The following DENND5B variants were observed in gnomAD, a reference collection of about 807,000 sequenced individuals.
The protein encoded by DENND5B is DENN domain containing 5B.
A neutral mutation model predicts 140.6 loss-of-function variants in DENND5B; 34 were observed. The observed-to-expected ratio is 0.24, with a 90% CI of 0.18 to 0.32. The LOEUF is 0.32. Ranked by LOEUF, DENND5B falls within the 10% of genes least tolerant of loss-of-function variation. The pLI is 1.00. For missense variants in DENND5B, 1,142 were observed against 1,560.2 expected, an observed-to-expected ratio of 0.73 and a Z score of 4.52; for synonymous variants, 551 against 562.1, an observed-to-expected ratio of 0.98 and a Z score of 0.28.
chr12:31,472,139 GA>G (rs1375285962), intron 3 of DENND5B, among the ~76,000 whole-genome samples: 2 of 152,124 alleles, frequency 1.3e-5, no homozygotes, highest in Non-Finnish European at 2.9e-5. Flanking sequence ...AACATTACGA[GA>G]AGCCTTATTG....
At chr12:31,521,160 G>A (rs1947864483) in intron 1 of DENND5B, among the ~76,000 whole-genome samples, 1 of 151,408 alleles carries the variant, frequency 6.6e-6, no homozygotes, top group African/African-American at 2.4e-5. Flanking sequence ...GATGCCAAGG[G>A]AAATAATGCT....
intron 2 of DENND5B, among the ~76,000 whole-genome samples, chr12:31,485,962 A>G (rs1287167947): frequency 6.6e-6 from 1 of 152,172 alleles, no homozygotes; most frequent in Non-Finnish European, 1.5e-5. Flanking sequence ...AAACCTTCCA[A>G]ACTAACACCA....
At chr12:31,463,948 G>A (rs146383362) in intron 3 of DENND5B, among the ~76,000 whole-genome samples, 155 of 152,230 alleles carry the variant, frequency 1.0e-3, no homozygotes, top group African/African-American at 3.5e-3. Flanking sequence ...GATTACAGGC[G>A]TGAGCCACTG....
intron 5 of DENND5B, among the ~76,000 whole-genome samples, chr12:31,449,737 T>TTTTTTTG (rs1555149802): frequency 3.6e-5 from 5 of 139,742 alleles, no homozygotes; most frequent in South Asian, 4.8e-4. Context: ...ATTAGTTTTT[T>TTTTTTTG]TTTTTTTTTT....
rs759408177 is a variant in DENND5B at position 31,423,557 on chromosome 12, A to C, written c.2470+40T>G. 2.5e-6 allele frequency: 4 copies of C among 1,598,596 alleles called. No homozygotes were observed. In the Admixed American group the frequency reaches 5.1e-5, roughly 20 times the overall value. On this transcript the variant is annotated intron_variant, in intron 11 of 20. Coordinates refer to ENST00000389082, the MANE Select transcript of DENND5B (RefSeq NM_144973.4). ...AGGCCAAATAGTATTGAGTCTTCTC[A>C]GAGTCCAGTGCTGCTAGTTCTTTAC... is the stretch of plus-strand genomic sequence containing the variant.
At chr12:31,451,142 TGATAG>T (rs1203913442) in intron 5 of DENND5B, among the ~76,000 whole-genome samples, 3 of 152,306 alleles carry the variant, frequency 2.0e-5, no homozygotes, top group African/African-American at 7.2e-5. Flanking sequence ...TGTGACTTCC[TGATAG>T]GATAAAGACT....
At chr12:31,396,553 C>T (rs376790541) in intron 17 of DENND5B, 1 of 152,398 alleles carries the variant, frequency 6.6e-6, no homozygotes, top group African/African-American at 2.4e-5. Context: ...TAACATTGCA[C>T]TTTATAAACA....
Position 31,478,473 on chromosome 12 carries a change from G to A in DENND5B, c.904+1116C>T, listed in dbSNP as rs143540137. Among the ~76,000 whole-genome samples, 42 of 152,280 alleles carry A rather than the reference G, an allele frequency of 2.8e-4. No individual in the cohort carries two copies. The South Asian group carries it at 3.7e-3, about 14-fold the overall frequency. ...TAATTCCAGCACTTTGGGAGGCCAC[G>A]GCAGGAGGATCATTTGAGCCTAGGA... On this transcript the variant is annotated intron_variant, in intron 3 of 20. Coordinates refer to ENST00000389082, the MANE Select transcript of DENND5B (RefSeq NM_144973.4).
chr12:31,456,915 C>T (rs540861321), intron 4 of DENND5B, among the ~76,000 whole-genome samples: 2 of 152,078 alleles, frequency 1.3e-5, no homozygotes, highest in Admixed American at 1.3e-4. Context: ...TCCATCTCTA[C>T]AAATAATAAT....
intron 4 of DENND5B, among the ~76,000 whole-genome samples, chr12:31,459,191 G>T (rs571580586): frequency 6.9e-6 from 1 of 144,748 alleles, no homozygotes; most frequent in Admixed American, 7.2e-5. Context: ...CAACAAGAGC[G>T]AAACTCCATC....
chr12:31,562,611 T>C (rs1467568193), intron 1 of DENND5B, among the ~76,000 whole-genome samples: 5 of 151,608 alleles, frequency 3.3e-5, no homozygotes, highest in Non-Finnish European at 2.9e-5. Flanking sequence ...CGAAACTCTG[T>C]CTTTAAAAAA....
At chr12:31,476,444 T>C (rs1180641246) in intron 3 of DENND5B, among the ~76,000 whole-genome samples, 2 of 151,634 alleles carry the variant, frequency 1.3e-5, no homozygotes, top group African/African-American at 4.8e-5. Context: ...TTATACACGT[T>C]TTCTTATTTA....
At chr12:31,475,977 T>A (rs1221272636) in intron 3 of DENND5B, among the ~76,000 whole-genome samples, 1 of 151,750 alleles carries the variant, frequency 6.6e-6, no homozygotes, top group Non-Finnish European at 1.5e-5. Context: ...TACAAAGAAA[T>A]TAGCCAGGCA....
At chr12:31,390,620 A>G (rs1384909726) in intron 19 of DENND5B, among the ~76,000 whole-genome samples, 1 of 152,046 alleles carries the variant, frequency 6.6e-6, no homozygotes, top group Admixed American at 6.6e-5. Flanking sequence ...TGGGCAACAG[A>G]GCGAGACTCC....
intron 1 of DENND5B, among the ~76,000 whole-genome samples, chr12:31,564,197 C>T (rs1437936347): frequency 1.3e-5 from 2 of 152,080 alleles, no homozygotes; most frequent in Non-Finnish European, 2.9e-5. Context: ...TATATATATA[C>T]ACATTAAAGC....
chr12:31,505,852 G>A (rs1235830870), intron 1 of DENND5B, among the ~76,000 whole-genome samples: 1 of 151,674 alleles, frequency 6.6e-6, no homozygotes, highest in Non-Finnish European at 1.5e-5. Flanking sequence ...GTTTTTTTGA[G>A]ACAGAGTCTC....
intron 4 of DENND5B, among the ~76,000 whole-genome samples, chr12:31,455,057 T>C (rs970833372): frequency 2.6e-5 from 4 of 151,876 alleles, no homozygotes; most frequent in African/African-American, 7.3e-5. Context: ...CCTGACCTTG[T>C]GATCCGCCCA....
intron 1 of DENND5B, among the ~76,000 whole-genome samples, chr12:31,498,972 C>CAAAAA (rs369875785): frequency 4.0e-5 from 4 of 100,444 alleles, no homozygotes; most frequent in Admixed American, 1.2e-4. Context: ...GGCTCCGTCT[C>CAAAAA]AAAAAAAAAA....
chr12:31,552,255 A>T (rs1021892942), intron 1 of DENND5B, among the ~76,000 whole-genome samples: 1 of 152,108 alleles, frequency 6.6e-6, no homozygotes, highest in African/African-American at 2.4e-5. Context: ...CCTAATTTAT[A>T]GAGAGTTTTT....
Sources: allele counts gnomAD v4.1 joint callset (sites outside exome capture counted in the v4.1 genomes callset), GRCh38; gene constraint gnomAD v4.1.1; transcripts MANE v1.5; gene names NCBI Gene and HGNC (gene_info 2026-07-23, HGNC 2026-07-21).